Variants in CNTN4 observed in about 807,000 individuals in gnomAD.
The protein encoded by CNTN4 is contactin 4, also known as contactin-4.
In CNTN4, 77 loss-of-function variants were observed where a neutral mutation model predicts 122.5. The ratio of observed to expected loss-of-function variants is 0.63; its 90% CI spans 0.52 to 0.76. CNTN4 has a LOEUF of 0.76. Among genes scored for constraint, CNTN4 ranks in the 30% least tolerant of loss-of-function variants. The pLI, the probability that CNTN4 is intolerant of heterozygous loss-of-function variation, is 0.00. For missense variants in CNTN4, 1,256 were observed against 1,259.1 expected (o/e 1.00, Z 0.04); for synonymous variants, 512 against 447.0 (o/e 1.15, Z -1.83).
At chr3:2,621,249 C>T (rs1263527983) in intron 4 of CNTN4, among the ~76,000 whole-genome samples, 2 of 152,150 alleles carry the variant, frequency 1.3e-5, no homozygotes, top group African/African-American at 4.8e-5. Context: ...ACTGAGTCTG[C>T]CTCAACACAT....
chr3:2,874,721 G>A (rs1164337249), intron 8 of CNTN4, among the ~76,000 whole-genome samples: 1 of 152,142 alleles, frequency 6.6e-6, no homozygotes, highest in East Asian at 1.9e-4. Flanking sequence ...ACAGCTTAAG[G>A]GTGAAGAAAC....
intron 4 of CNTN4, among the ~76,000 whole-genome samples, chr3:2,681,164 G>C (rs1477297722): frequency 5.9e-5 from 9 of 152,138 alleles, no homozygotes; most frequent in African/African-American, 2.2e-4. Flanking sequence ...TTAAAACCTG[G>C]CTGAGAAGAC....
chr3:2,384,719 A>C (rs1276203727), intron 3 of CNTN4, among the ~76,000 whole-genome samples: 1 of 151,152 alleles, frequency 6.6e-6, no homozygotes, highest in East Asian at 2.0e-4. Flanking sequence ...CTCACATGTA[A>C]ATTTGTCCCT....
At chr3:2,403,364 T>C (rs1391463685) in intron 3 of CNTN4, among the ~76,000 whole-genome samples, 2 of 152,110 alleles carry the variant, frequency 1.3e-5, no homozygotes, top group Non-Finnish European at 2.9e-5. Context: ...GTTCAACACA[T>C]AACAAGGAAC....
chr3:2,991,060 G>A lies in CNTN4; in HGVS notation c.1486+2588G>A, dbSNP rs1217420247. Reference sequence around the variant, plus strand: ...GGATATGCAAAAAATCATGAAGATGGTATATGTGAATGTCTAAAACTAGGA... The same window carrying A: ...GGATATGCAAAAAATCATGAAGATGATATATGTGAATGTCTAAAACTAGGA... On this transcript the variant is annotated intron_variant, in intron 14 of 24. Transcript: ENST00000418658. Among the ~76,000 whole-genome samples, 47 of 152,296 alleles carry A rather than the reference G, an allele frequency of 3.1e-4. 1 individual carries two copies. The highest frequency in any genetic ancestry group is 2.9e-5 in the Non-Finnish European group (2 of 68,022).
chr3:2,722,152 G>T (rs1362784159), intron 4 of CNTN4, among the ~76,000 whole-genome samples: 1 of 152,198 alleles, frequency 6.6e-6, no homozygotes, highest in East Asian at 1.9e-4. Flanking sequence ...TAAAATTGCA[G>T]TGTTCTTCCT....
At chr3:2,666,043 A>G (rs2084140635) in intron 4 of CNTN4, among the ~76,000 whole-genome samples, 1 of 152,220 alleles carries the variant, frequency 6.6e-6, no homozygotes. Flanking sequence ...GACCCTTAAA[A>G]AATTCAGACT....
chr3:2,365,164 A>G (rs114264276), intron 3 of CNTN4, among the ~76,000 whole-genome samples: 155 of 152,252 alleles, frequency 1.0e-3, no homozygotes, highest in African/African-American at 3.6e-3. Context: ...AGTACAGGTA[A>G]TAATGTATCC....
intron 4 of CNTN4, among the ~76,000 whole-genome samples, chr3:2,626,279 G>A (rs2082182084): frequency 6.6e-6 from 1 of 152,046 alleles, no homozygotes; most frequent in Non-Finnish European, 1.5e-5. Context: ...GGATCATGAG[G>A]TCAGGAGATC....
At chr3:2,559,991 C>G (rs1320757212) in intron 3 of CNTN4, among the ~76,000 whole-genome samples, 1 of 152,232 alleles carries the variant, frequency 6.6e-6, no homozygotes, top group African/African-American at 2.4e-5. Context: ...TAATAGTTAG[C>G]TATAAATACA....
At chr3:2,291,138 GTTATTC>G (rs2042118153) in intron 2 of CNTN4, among the ~76,000 whole-genome samples, 1 of 151,984 alleles carries the variant, frequency 6.6e-6, no homozygotes, top group East Asian at 1.9e-4. Context: ...TGATATTTTT[GTTATTC>G]TTATTTCTTT....
At chr3:2,122,425 A>G (rs558934153) in intron 2 of CNTN4, among the ~76,000 whole-genome samples, 27 of 152,330 alleles carry the variant, frequency 1.8e-4, no homozygotes, top group Middle Eastern at 3.4e-3. Context: ...TTAAAGATGA[A>G]TCTTAGATGT....
At chr3:2,926,557 T>C (rs1221772335) in intron 13 of CNTN4, among the ~76,000 whole-genome samples, 1 of 152,204 alleles carries the variant, frequency 6.6e-6, no homozygotes, top group Non-Finnish European at 1.5e-5. Context: ...TGAATCTGTT[T>C]GTCACCTATA....
At chr3:2,835,230 A>C (rs2093200268) in intron 7 of CNTN4, among the ~76,000 whole-genome samples, 1 of 152,130 alleles carries the variant, frequency 6.6e-6, no homozygotes, top group South Asian at 2.1e-4. Flanking sequence ...TATTATTAAA[A>C]TACACAAACC....
intron 4 of CNTN4, among the ~76,000 whole-genome samples, chr3:2,643,870 A>G (rs2083003972): frequency 6.6e-6 from 1 of 152,152 alleles, no homozygotes; most frequent in Non-Finnish European, 1.5e-5. Flanking sequence ...GCTATGCTTC[A>G]TAGCTTCTCT....
At chr3:2,897,283 T>C (rs2094125686) in intron 10 of CNTN4, among the ~76,000 whole-genome samples, 1 of 152,184 alleles carries the variant, frequency 6.6e-6, no homozygotes, top group African/African-American at 2.4e-5. Flanking sequence ...TTTAACATTA[T>C]ATTTGAATTT....
intron 4 of CNTN4, among the ~76,000 whole-genome samples, chr3:2,578,595 T>C (rs2079799778): frequency 6.6e-6 from 1 of 152,228 alleles, no homozygotes; most frequent in Non-Finnish European, 1.5e-5. Context: ...ACTCTGTTCT[T>C]GCACAAGTAA....
intron 13 of CNTN4, among the ~76,000 whole-genome samples, chr3:2,943,606 A>C (rs1406442365): frequency 7.8e-6 from 1 of 127,574 alleles, no homozygotes; most frequent in Non-Finnish European, 1.6e-5. Context: ...AAATATATAA[A>C]TATATTTATA....
chr3:2,456,329 C>T (rs2048999116), intron 3 of CNTN4, among the ~76,000 whole-genome samples: 1 of 152,066 alleles, frequency 6.6e-6, no homozygotes, highest in Admixed American at 6.6e-5. Context: ...TGAATGTTAT[C>T]TCAAATTGTA....
Sources: gnomAD v4.1 joint callset for allele counts (sites outside exome capture counted in the v4.1 genomes callset) on GRCh38, gnomAD v4.1.1 for gene constraint, MANE v1.5 for transcripts, NCBI Gene and HGNC (gene_info 2026-07-23, HGNC 2026-07-21) for gene names.